The following SPAG9 variants were observed in gnomAD, a reference collection of about 807,000 sequenced individuals.
The protein encoded by SPAG9 is C-Jun-amino-terminal kinase-interacting protein 4.
In SPAG9, 35 loss-of-function variants were observed where a neutral mutation model predicts 166.5. That is an observed-to-expected ratio of 0.21 (90% CI 0.16 to 0.28). The LOEUF is 0.28. SPAG9 is among the 10% of genes least tolerant of loss of function. The probability of loss-of-function intolerance (pLI) is 1.00; values close to 1 mark genes in which losing one functional copy is unlikely to be tolerated. For missense variants in SPAG9, 1,235 were observed against 1,603.3 expected, an observed-to-expected ratio of 0.77 and a Z score of 3.92; for synonymous variants, 534 against 565.5, an observed-to-expected ratio of 0.94 and a Z score of 0.79.
intron 19 of SPAG9, among the ~76,000 whole-genome samples, chr17:50,991,465 A>T (rs1382685928): frequency 6.6e-6 from 1 of 151,970 alleles, no homozygotes; most frequent in Non-Finnish European, 1.5e-5. Context: ...TAATTTAGAA[A>T]ATTGTTTTAT....
At chr17:51,107,387 A>G (rs182908335) in intron 1 of SPAG9, among the ~76,000 whole-genome samples, 19 of 151,788 alleles carry the variant, frequency 1.3e-4, no homozygotes, top group African/African-American at 4.6e-4. Flanking sequence ...CATCCCTACC[A>G]AAAAAAATTA....
At chr17:50,978,601 T>C (rs1289987162) in intron 26 of SPAG9, among the ~76,000 whole-genome samples, 1 of 152,070 alleles carries the variant, frequency 6.6e-6, no homozygotes, top group Non-Finnish European at 1.5e-5. Flanking sequence ...ATCACAATAA[T>C]GATAAGCCCA....
chr17:51,067,608 C>G (rs1381686429), intron 2 of SPAG9, among the ~76,000 whole-genome samples: 1 of 151,930 alleles, frequency 6.6e-6, no homozygotes, highest in Non-Finnish European at 1.5e-5. Context: ...AAACTAGCTC[C>G]AAGCCGAGAT....
intron 9 of SPAG9, among the ~76,000 whole-genome samples, chr17:51,011,051 A>G (rs185094164): frequency 2.0e-5 from 3 of 152,328 alleles, no homozygotes; most frequent in Admixed American, 2.0e-4. Context: ...GAAAGGACAC[A>G]GGCAAGTTGA....
chr17:51,009,265 G>A, intron 9 of SPAG9: 1 of 386,236 alleles, frequency 2.6e-6, no homozygotes, highest in Admixed American at 3.4e-5. Flanking sequence ...ACAAGATGTA[G>A]AGAAACCATT....
chr17:51,092,493 ATAT>A (rs1179436151), intron 1 of SPAG9, among the ~76,000 whole-genome samples: 1 of 152,148 alleles, frequency 6.6e-6, no homozygotes, highest in Non-Finnish European at 1.5e-5. Context: ...TAAGTATTAA[ATAT>A]TATTAAAGAG....
Position 51,120,341 on chromosome 17 carries a change from C to A in SPAG9, c.303+13G>T, listed in dbSNP as rs768587232. 4 of 1,549,084 alleles carry A rather than the reference C, an allele frequency of 2.6e-6. No homozygotes were observed. Among genetic ancestry groups the A allele is most frequent in the East Asian group, 2.4e-5 (1 of 41,444 alleles). Reference sequence around the variant, plus strand: ...GACGGATCCCGCGGCCCCCGCCCTGCCGCCGGCCTCACCTCCTCAGCGTGC... The same window carrying A: ...GACGGATCCCGCGGCCCCCGCCCTGACGCCGGCCTCACCTCCTCAGCGTGC... On this transcript the variant is annotated intron_variant, in intron 1 of 29. Coordinates refer to ENST00000262013, the MANE Select transcript of SPAG9 (RefSeq NM_001130528.3). The surrounding 1 kb of genome is among the most constrained non-coding windows in gnomAD (Gnocchi z 4.7).
At chr17:51,060,505 T>TAAAAAAAAAAAAAA (rs35700642) in intron 2 of SPAG9, among the ~76,000 whole-genome samples, 1 of 101,490 alleles carries the variant, frequency 9.9e-6, no homozygotes, top group Admixed American at 1.0e-4. Flanking sequence ...TTTGTCTTTT[T>TAAAAAAAAAAAAAA]AAAAAAAAAA....
intron 29 of SPAG9, 47 bp downstream of exon 29, chr17:50,970,658 CAA>C (rs1303296219): frequency 6.5e-7 from 1 of 1,536,630 alleles, no homozygotes; most frequent in Admixed American, 1.8e-5. Context: ...GGACAAAACC[CAA>C]GTCATAGCAC....
intron 25 of SPAG9, among the ~76,000 whole-genome samples, chr17:50,980,906 G>A (rs765814591): frequency 1.0e-3 from 157 of 152,284 alleles, no homozygotes; most frequent in Middle Eastern, 3.4e-3. Flanking sequence ...GGAGGCTGAA[G>A]CAGGAGGCTT....
chr17:50,993,666 G>A, intron 19 of SPAG9, 98 bp downstream of exon 19: 3 of 1,152,932 alleles, frequency 2.6e-6, no homozygotes, highest in Middle Eastern at 2.1e-4. Context: ...TAAGCTTCAT[G>A]ACAGCAAGGT....
intron 1 of SPAG9, among the ~76,000 whole-genome samples, chr17:51,094,418 C>G (rs868060732): frequency 6.6e-6 from 1 of 152,102 alleles, no homozygotes; most frequent in Non-Finnish European, 1.5e-5. Flanking sequence ...AGTCATTGCT[C>G]CCATGGAACC....
At chr17:51,062,366 C>T (rs138205818) in intron 2 of SPAG9, among the ~76,000 whole-genome samples, 237 of 152,134 alleles carry the variant, frequency 1.6e-3, no homozygotes, top group African/African-American at 5.5e-3. Flanking sequence ...GACATGTGAC[C>T]ACCATTATAG....
chr17:51,048,679 T>C (rs1004899771), intron 3 of SPAG9, among the ~76,000 whole-genome samples: 1 of 152,200 alleles, frequency 6.6e-6, no homozygotes, highest in Non-Finnish European at 1.5e-5. Flanking sequence ...TTATTTGGCA[T>C]GTACAAATAT....
intron 4 of SPAG9, among the ~76,000 whole-genome samples, chr17:51,042,188 C>A (rs1461129328): frequency 6.6e-6 from 1 of 152,178 alleles, no homozygotes; most frequent in African/African-American, 2.4e-5. Flanking sequence ...CTCCCCACCA[C>A]CCAAGTAAGA....
At chr17:51,083,505 G>C (rs1227831909) in intron 1 of SPAG9, among the ~76,000 whole-genome samples, 2 of 151,108 alleles carry the variant, frequency 1.3e-5, no homozygotes, top group African/African-American at 4.9e-5. Flanking sequence ...CCAAAGTGCT[G>C]GAATTACAAG....
chr17:51,056,728 GTT>G (rs551732937), intron 2 of SPAG9, among the ~76,000 whole-genome samples: 1 of 148,528 alleles, frequency 6.7e-6, no homozygotes, highest in Non-Finnish European at 1.5e-5. Context: ...CCCCTAAACA[GTT>G]TTTTTTTTAA....
At chr17:51,080,870 G>A (rs914271078) in intron 1 of SPAG9, among the ~76,000 whole-genome samples, 2 of 112,744 alleles carry the variant, frequency 1.8e-5, no homozygotes, top group Non-Finnish European at 3.3e-5. Flanking sequence ...CTGGGCTACA[G>A]AGCAAGACTC....
intron 9 of SPAG9, among the ~76,000 whole-genome samples, chr17:51,009,717 G>GA (rs1160101507): frequency 6.6e-6 from 1 of 152,088 alleles, no homozygotes; most frequent in African/African-American, 2.4e-5. Context: ...ACTCTTAAGG[G>GA]AAAACACTAC....
Sources: gnomAD v4.1 joint callset for allele counts (sites outside exome capture counted in the v4.1 genomes callset) on GRCh38, gnomAD v4.1.1 for gene constraint, Gnocchi (gnomAD v3.1) non-coding constraint, MANE v1.5 for transcripts, NCBI Gene and HGNC (gene_info 2026-07-23, HGNC 2026-07-21) for gene names.